The following FLRT2 variants were observed in gnomAD, a reference collection of about 807,000 sequenced individuals.
FLRT2 encodes the protein fibronectin leucine rich transmembrane protein 2.
In FLRT2, 15 loss-of-function variants were observed where a neutral mutation model predicts 40.0. That is an observed-to-expected ratio of 0.38 (90% CI 0.25 to 0.58). FLRT2 has a LOEUF of 0.58. Ranked by LOEUF, FLRT2 falls within the 20% of genes least tolerant of loss-of-function variation. The probability of loss-of-function intolerance (pLI) is 0.71; values close to 1 mark genes in which losing one functional copy is unlikely to be tolerated. For missense variants in FLRT2, 726 were observed against 840.0 expected (o/e 0.86, Z 1.68); for synonymous variants, 380 against 336.8 (o/e 1.13, Z -1.41).
chr14:85,542,739 G>A (rs1483672551), intron 1 of FLRT2, among the ~76,000 whole-genome samples: 2 of 152,150 alleles, frequency 1.3e-5, no homozygotes, highest in African/African-American at 4.8e-5. Context: ...GACAGCAATG[G>A]AATTTAAAAC....
intron 1 of FLRT2, among the ~76,000 whole-genome samples, chr14:85,604,913 T>C (rs1317614692): frequency 6.6e-6 from 1 of 152,158 alleles, no homozygotes; most frequent in Non-Finnish European, 1.5e-5. Flanking sequence ...AGTCTGGCTG[T>C]CACTCCTGTT....
At chr14:85,589,420 A>G (rs961809107) in intron 1 of FLRT2, among the ~76,000 whole-genome samples, 6 of 152,122 alleles carry the variant, frequency 3.9e-5, no homozygotes, top group Admixed American at 1.3e-4. Flanking sequence ...TCTTTTGAGA[A>G]ATGTCTGTCC....
chr14:85,539,320 G>A (rs1665956660), intron 1 of FLRT2, among the ~76,000 whole-genome samples: 3 of 151,990 alleles, frequency 2.0e-5, no homozygotes, highest in Admixed American at 2.0e-4. Flanking sequence ...GAATTGAGAA[G>A]TTCCATTCTT....
chr14:85,550,038 G>GAA (rs5810259), intron 1 of FLRT2, among the ~76,000 whole-genome samples: 275 of 147,230 alleles, frequency 1.9e-3, no homozygotes, highest in African/African-American at 6.5e-3. Context: ...TTATTTCTGG[G>GAA]AAAAAAAAAA....
At chr14:85,574,019 GC>G (rs1344925566) in intron 1 of FLRT2, among the ~76,000 whole-genome samples, 1 of 152,108 alleles carries the variant, frequency 6.6e-6, no homozygotes. Context: ...GTGGTGCTTG[GC>G]CCGTAAGAGG....
intron 1 of FLRT2, among the ~76,000 whole-genome samples, chr14:85,535,691 AT>A (rs35875324): frequency 0.15 from 22,522 of 151,964 alleles, 2,049 homozygotes; most frequent in Admixed American, 0.21. Context: ...CCATTTAGGG[AT>A]TTTTTAATAA....
intron 1 of FLRT2, among the ~76,000 whole-genome samples, chr14:85,548,860 C>T (rs1434332535): frequency 2.0e-5 from 3 of 152,188 alleles, no homozygotes; most frequent in Non-Finnish European, 4.4e-5. Flanking sequence ...CCATACTGGC[C>T]TGCCCTGTCC....
chr14:85,549,611 ATGT>A (rs1169002570), intron 1 of FLRT2, among the ~76,000 whole-genome samples: 1 of 152,170 alleles, frequency 6.6e-6, no homozygotes, highest in African/African-American at 2.4e-5. Flanking sequence ...TGACTTCAGC[ATGT>A]TTCTTGGTGC....
rs1894270636 is a variant in FLRT2, at chr14:85,645,296, A to T, written c.*21799A>T. 1 of 151,694 alleles carries T rather than the reference A, an allele frequency of 6.6e-6. No homozygotes were observed. The highest frequency in any genetic ancestry group is 6.6e-5 in the Admixed American group (1 of 15,190). 9.4% of individuals were successfully genotyped at this position (151,694 alleles called of 1,614,324 possible). On this transcript the variant is annotated 3_prime_UTR_variant, in exon 2 of 2. Coordinates refer to ENST00000330753, the MANE Select transcript of FLRT2 (RefSeq NM_013231.6). ...TGTATATATGTATATACATATATGT[A>T]TATAGAAGTATATATACACATATAA...
At chr14:85,531,461 T>G (rs1888272443) in intron 1 of FLRT2, among the ~76,000 whole-genome samples, 2 of 152,070 alleles carry the variant, frequency 1.3e-5, no homozygotes, top group Admixed American at 1.3e-4. Flanking sequence ...TCATTTATAA[T>G]CAAGCCCAAG....
Position 85,634,788 on chromosome 14 carries a change from A to T in FLRT2, c.*11291A>T, listed in dbSNP as rs1298075318. ...CCAGCTACTTTCTGAAAATATATGG[A>T]ATTAGTGTGCAAAAAGTTGGGCTAT... On this transcript the variant is annotated 3_prime_UTR_variant, in exon 2 of 2. Coordinates refer to ENST00000330753, the MANE Select transcript of FLRT2 (RefSeq NM_013231.6). 2 of 152,100 alleles carry T rather than the reference A, an allele frequency of 1.3e-5. No individual in the cohort carries two copies. The highest frequency in any genetic ancestry group is 4.8e-5 in the African/African-American group (2 of 41,406). The allele number at this position is 152,100 out of a possible 1,614,324, so 9.4% of individuals were successfully genotyped here.
chr14:85,587,649 C>T (rs78797838), intron 1 of FLRT2, among the ~76,000 whole-genome samples: 3,459 of 151,870 alleles, frequency 0.023, 80 homozygotes, highest in South Asian at 0.099. Context: ...CACATGTAAG[C>T]GGCCTCTTTA....
At chr14:85,581,416 G>T (rs1432426887) in intron 1 of FLRT2, among the ~76,000 whole-genome samples, 1 of 152,158 alleles carries the variant, frequency 6.6e-6, no homozygotes, top group Admixed American at 6.5e-5. Flanking sequence ...GAAAGGAAAA[G>T]AATTGTTGGA....
chr14:85,589,302 A>C (rs1395331493), intron 1 of FLRT2, among the ~76,000 whole-genome samples: 1 of 151,830 alleles, frequency 6.6e-6, no homozygotes, highest in Non-Finnish European at 1.5e-5. Context: ...CATATAAGGT[A>C]TTTTTACTGG....
intron 1 of FLRT2, among the ~76,000 whole-genome samples, chr14:85,563,277 G>A (rs902947937): frequency 2.0e-5 from 3 of 152,162 alleles, no homozygotes; most frequent in African/African-American, 4.8e-5. Context: ...CTAATGGTGA[G>A]ATTGGAATGA....
intron 1 of FLRT2, among the ~76,000 whole-genome samples, chr14:85,596,572 C>A (rs558217479): frequency 6.6e-6 from 1 of 152,132 alleles, no homozygotes; most frequent in South Asian, 2.1e-4. Context: ...CTGGAATTGT[C>A]CAATGTACAA....
Position 85,622,930 on chromosome 14 carries a change from C to T in FLRT2, c.1416C>T (p.Ser472=), listed in dbSNP as rs146568257. 4.3e-3 allele frequency: 7,002 copies of T among 1,614,132 alleles called. 23 individuals are homozygous for T. Among genetic ancestry groups the T allele is most frequent in the Admixed American group, 7.9e-3 (472 of 60,022 alleles). The change falls in exon 2 of 2, where the codon AGC becomes AGT. Residue 472 remains serine, a synonymous_variant. Transcript: ENST00000330753. The part of the protein sequence containing the change: ...VGGIVQERIV[S]GEKQHLSLVN... ...GCATCGTTCAGGAGCGCATAGTCAG[C>T]GGTGAGAAGCAACACCTGAGCCTGG...
In FLRT2 at chr14:85,623,877, G is replaced by A. The variant is rs1354011085; in HGVS notation, c.*380G>A. ...CAGAATAAATTCCTGGTGGTCAGAT[G>A]AAAGGGCAGATTAAATGGACTCATC... On this transcript the variant is annotated 3_prime_UTR_variant, in exon 2 of 2. Transcript: ENST00000330753. 5.4e-6 allele frequency: 1 copy of A among 184,326 alleles called. No individual in the cohort carries two copies. Among genetic ancestry groups the A allele is most frequent in the Non-Finnish European group, 1.2e-5 (1 of 80,178 alleles). 11.4% of individuals were successfully genotyped at this position (184,326 alleles called of 1,614,324 possible).
chr14:85,578,130 G>GTA (rs1189887714), intron 1 of FLRT2, among the ~76,000 whole-genome samples: 1 of 140,588 alleles, frequency 7.1e-6, no homozygotes, highest in Non-Finnish European at 1.5e-5. Context: ...AAAAATATCT[G>GTA]TATATATATA....
Sources: allele counts gnomAD v4.1 joint callset (sites outside exome capture counted in the v4.1 genomes callset), GRCh38; gene constraint gnomAD v4.1.1; transcripts MANE v1.5; gene names NCBI Gene and HGNC (gene_info 2026-07-23, HGNC 2026-07-21).